FBXO10: variants seen among roughly 807,000 people sequenced by gnomAD.
FBXO10 encodes the protein F-box protein 10, also known as F-box only protein 10.
In FBXO10, 39 loss-of-function variants were observed where a neutral mutation model predicts 80.7. The ratio of observed to expected loss-of-function variants is 0.48; its 90% CI spans 0.37 to 0.63. The LOEUF (loss-of-function observed/expected upper bound fraction) is 0.63, where lower values mean the gene tolerates loss of function less well. Among genes scored for constraint, FBXO10 ranks in the 30% least tolerant of loss-of-function variants. FBXO10 has a pLI of 0.00. For missense variants in FBXO10, 1,025 were observed against 1,269.0 expected, an observed-to-expected ratio of 0.81 and a Z score of 2.92; for synonymous variants, 449 against 489.6, an observed-to-expected ratio of 0.92 and a Z score of 1.09.
chr9:37,569,508 A>G (rs1285764045), intron 1 of FBXO10, among the ~76,000 whole-genome samples: 1 of 151,752 alleles, frequency 6.6e-6, no homozygotes, highest in African/African-American at 2.4e-5. Flanking sequence ...CAGTAAGGAT[A>G]AAGAAGATTT....
At chr9:37,535,638 T>C (rs1229882485) in intron 3 of FBXO10, among the ~76,000 whole-genome samples, 1 of 152,096 alleles carries the variant, frequency 6.6e-6, no homozygotes, top group Non-Finnish European at 1.5e-5. Flanking sequence ...GATTACAGGC[T>C]TGAGCCACAG....
At chr9:37,527,498 C>T (rs1821506547) in intron 5 of FBXO10, among the ~76,000 whole-genome samples, 1 of 152,148 alleles carries the variant, frequency 6.6e-6, no homozygotes, top group Non-Finnish European at 1.5e-5. Flanking sequence ...TGCCTCTGGC[C>T]CAGAATGCCT....
intron 1 of FBXO10, among the ~76,000 whole-genome samples, chr9:37,547,325 G>T (rs1240761373): frequency 2.0e-5 from 3 of 152,310 alleles, no homozygotes; most frequent in South Asian, 4.1e-4. Flanking sequence ...CGCAGTGGCA[G>T]ACGCCTATAA....
rs778775698 is a variant in FBXO10, at chr9:37,537,215, C to T, written c.1314G>A (p.Arg438=). 1.2e-6 allele frequency: 2 copies of T among 1,613,948 alleles called. No individual in the cohort carries two copies. ...AGACGAAGACGCCTCCCTTCCCGTCCCGGAAGAGGCACTTGCGGATGAGGC... is the reference window on the plus strand; with the variant it reads ...AGACGAAGACGCCTCCCTTCCCGTCTCGGAAGAGGCACTTGCGGATGAGGC... ...QGCLIRKCLF[R]DGKGGVFVCS... is the part of the protein sequence containing the mutation. The change falls in exon 3 of 11, where the codon CGG becomes CGA. Residue 438 remains arginine (R), a synonymous_variant. Coordinates refer to ENST00000432825, the MANE Select transcript of FBXO10 (RefSeq NM_012166.3).
At chr9:37,562,157 C>T (rs775742208) in intron 1 of FBXO10, among the ~76,000 whole-genome samples, 8 of 152,176 alleles carry the variant, frequency 5.3e-5, no homozygotes, top group East Asian at 1.9e-4. Context: ...TCCATGTGCC[C>T]GTTCACCAAG....
intron 1 of FBXO10, among the ~76,000 whole-genome samples, chr9:37,547,078 T>C (rs1822076043): frequency 6.6e-6 from 1 of 152,200 alleles, no homozygotes; most frequent in African/African-American, 2.4e-5. Flanking sequence ...TTATACAAGA[T>C]AAATGAAAAT....
Position 37,522,921 on chromosome 9 carries a change from G to C in FBXO10, c.1834C>G (p.Pro612Ala). 6.3e-7 allele frequency: 1 copy of C among 1,586,428 alleles called. No homozygotes were observed. The highest frequency in any genetic ancestry group is 8.6e-7 in the Non-Finnish European group (1 of 1,166,662). ...GGVDIRRGGI[P>A]VLRSNLICFG... ...CAGATGAGGTTACTCCTGAGAACGG[G>C]GATCCCTCCACGGCGGATGTCCACA... Residue 612 changes from proline (P) to alanine (A), a missense_variant, in exon 7 of 11, where the codon CCC becomes GCC. By Grantham distance (27) the Pro-to-Ala change is conservative. Coordinates refer to ENST00000432825, the MANE Select transcript of FBXO10 (RefSeq NM_012166.3).
chr9:37,537,043 G>A lies in FBXO10; in HGVS notation c.1419+67C>T, dbSNP rs1184469708. 6 of 1,185,040 alleles carry A rather than the reference G, an allele frequency of 5.1e-6. No homozygotes were observed. The Middle Eastern group carries it at 6.1e-4, about 120-fold the overall frequency. The allele number at this position is 1,185,040 out of a possible 1,614,324, so 73.4% of individuals were successfully genotyped here. A position where few individuals can be genotyped will look rare whatever the true frequency, so the allele number is the denominator to read the frequency against. ...AAAATTATTTTTAAAATGCAAAATA[G>A]CCCCATCAAACCCTTCCTACATATA... On this transcript the variant is annotated intron_variant, in intron 3 of 10. Transcript: ENST00000432825.
intron 3 of FBXO10, among the ~76,000 whole-genome samples, chr9:37,534,992 A>G (rs1444203882): frequency 6.6e-6 from 1 of 152,214 alleles, no homozygotes; most frequent in Non-Finnish European, 1.5e-5. Flanking sequence ...AAACCCTGCC[A>G]TCACGTAGGG....
In FBXO10 at chr9:37,537,472, T is replaced by C. The variant is rs1235099744; in HGVS notation, c.1057A>G (p.Ser353Gly). ...CTGGGACTCAGGCCTCCATCGCTGC[T>C]GTCCGGGGTCTGGGCCACCCTTTCA... Reference protein sequence around the residue: ...DGERVAQTPDSSDGGLSPSGE... With the variant: ...DGERVAQTPDGSDGGLSPSGE... The change falls in exon 3 of 11, where the codon AGC (serine) becomes GGC (glycine). Residue 353 changes from serine (S) to glycine (G), a missense_variant. Transcript: ENST00000432825. The C allele has an allele frequency of 1.2e-6, 2 of 1,607,804 alleles. No homozygotes were observed. Among genetic ancestry groups the C allele is most frequent in the Non-Finnish European group, 1.7e-6 (2 of 1,177,246 alleles).
At chr9:37,542,122 C>A (rs1245919415) in intron 1 of FBXO10, among the ~76,000 whole-genome samples, 1 of 152,110 alleles carries the variant, frequency 6.6e-6, no homozygotes, top group Non-Finnish European at 1.5e-5. Context: ...AGCCACCACA[C>A]CCGGCCTCCA....
chr9:37,555,740 T>A (rs554275078), intron 1 of FBXO10, among the ~76,000 whole-genome samples: 1 of 152,266 alleles, frequency 6.6e-6, no homozygotes, highest in South Asian at 2.1e-4. Flanking sequence ...CTTCTTTATA[T>A]GTCCTTTGCC....
Position 37,537,315 on chromosome 9 carries a change from A to AGGCAGCTG in FBXO10, c.1206_1213dup (p.Leu405ProfsTer4). The AGGCAGCTG allele has an allele frequency of 6.2e-7, 1 of 1,611,412 alleles. No homozygotes were observed. The highest frequency in any genetic ancestry group is 8.5e-7 in the Non-Finnish European group (1 of 1,178,554). ...CTCCTGCTGCAGTGAGTTCAGCACT[A>AGGCAGCTG]GGCAGCTGGGCAGCTGAATGGATGC... On this transcript the variant is annotated frameshift_variant, in exon 3 of 11. Transcript: ENST00000432825. LOFTEE classifies it high-confidence loss of function.
intron 1 of FBXO10, among the ~76,000 whole-genome samples, chr9:37,574,926 C>T (rs933839113): frequency 3.9e-5 from 6 of 152,070 alleles, no homozygotes; most frequent in African/African-American, 9.7e-5. Flanking sequence ...TGAATAAATG[C>T]GGAATGAGAT....
rs545132381 is a variant in FBXO10 at position 37,519,175 on chromosome 9, C to T, written c.2201-737G>A. 5.1e-4 allele frequency among the ~76,000 whole-genome samples: 78 copies of T among 152,336 alleles called. 1 individual carries two copies. The highest frequency in any genetic ancestry group is 7.8e-4 in the Admixed American group (12 of 15,298). ...CCACCTGCCTCGGCCTCCCAAAGTG[C>T]TGGGATTACAGGCGTGAGCCACCAT... On this transcript the variant is annotated intron_variant, in intron 8 of 10. Coordinates refer to ENST00000432825, the MANE Select transcript of FBXO10 (RefSeq NM_012166.3).
In FBXO10 at chr9:37,521,672, C is replaced by T. The variant is rs1278345581; in HGVS notation, c.2097G>A (p.Gly699=). The change falls in exon 8 of 11, where the codon GGG becomes GGA. Residue 699 remains glycine (G), a synonymous_variant. Transcript: ENST00000432825. The part of the protein sequence containing the change: ...HRAQENFSED[G]DAILWETELE... ...GCTCTGTCTCCCAGAGGATGGCGTCCCCATCCTCGCTGAAGTTCTCTTGAG... is the reference window on the plus strand; with the variant it reads ...GCTCTGTCTCCCAGAGGATGGCGTCTCCATCCTCGCTGAAGTTCTCTTGAG... 1 of 1,613,800 alleles carries T rather than the reference C, an allele frequency of 6.2e-7. No homozygotes were observed. Among genetic ancestry groups the T allele is most frequent in the Non-Finnish European group, 8.5e-7 (1 of 1,179,878 alleles).
intron 1 of FBXO10, among the ~76,000 whole-genome samples, chr9:37,572,006 C>T (rs533232940): frequency 6.6e-6 from 1 of 151,894 alleles, no homozygotes; most frequent in African/African-American, 2.4e-5. Flanking sequence ...GCTGTCCCAG[C>T]TGCTCAGGGG....
At chr9:37,545,869 G>A (rs992951553) in intron 1 of FBXO10, among the ~76,000 whole-genome samples, 6 of 152,260 alleles carry the variant, frequency 3.9e-5, no homozygotes, top group South Asian at 2.1e-4. Context: ...ATTTTTGGCC[G>A]GGTGCGGTGG....
intron 1 of FBXO10, among the ~76,000 whole-genome samples, chr9:37,569,976 G>C (rs1669165126): frequency 1.3e-5 from 2 of 152,150 alleles, no homozygotes; most frequent in Non-Finnish European, 2.9e-5. Context: ...ATTGGTTAAA[G>C]AAAAAGAATT....
Sources: allele counts gnomAD v4.1 joint callset (sites outside exome capture counted in the v4.1 genomes callset), GRCh38; gene constraint gnomAD v4.1.1; transcripts MANE v1.5; gene names NCBI Gene and HGNC (gene_info 2026-07-23, HGNC 2026-07-21).